The following ZNF653 variants were observed in gnomAD, a reference collection of about 807,000 sequenced individuals.
ZNF653 encodes 67 kDa zinc finger protein.
In ZNF653, 37 loss-of-function variants were observed where a neutral mutation model predicts 59.9. The ratio of observed to expected loss-of-function variants is 0.62; its 90% CI spans 0.48 to 0.81. The LOEUF is 0.81. Ranked by LOEUF, ZNF653 falls within the 40% of genes least tolerant of loss-of-function variation. The pLI, the probability that ZNF653 is intolerant of heterozygous loss-of-function variation, is 0.00. For missense variants in ZNF653, 808 were observed against 881.1 expected, an observed-to-expected ratio of 0.92 and a Z score of 1.05; for synonymous variants, 435 against 371.8, an observed-to-expected ratio of 1.17 and a Z score of -1.96.
intron 1 of ZNF653, 142 bp downstream of exon 1, chr19:11,505,346 C>G (rs976675239): frequency 3.6e-5 from 31 of 862,448 alleles, no homozygotes; most frequent in Middle Eastern, 3.7e-4. Context: ...CCAGGCAGTA[C>G]GAGACCCAGG....
intron 1 of ZNF653, among the ~76,000 whole-genome samples, chr19:11,503,808 GAACA>G (rs753439746): frequency 3.5e-4 from 53 of 151,484 alleles, no homozygotes; most frequent in Non-Finnish European, 7.4e-5. Flanking sequence ...CCTGTCTCAA[GAACA>G]AACAAACAGG....
Position 11,505,809 on chromosome 19 carries a change from C to T in ZNF653, c.-23G>A, listed in dbSNP as rs557745880. On this transcript the variant is annotated 5_prime_UTR_variant, in exon 1 of 9. Coordinates refer to ENST00000293771, the MANE Select transcript of ZNF653 (RefSeq NM_138783.4). Reference sequence around the variant, plus strand: ...CATCCCCCCCACCCTGGTTACCAGCCTCCCCCGTTGTTAGGAGCCAGACCG... The same window carrying T: ...CATCCCCCCCACCCTGGTTACCAGCTTCCCCCGTTGTTAGGAGCCAGACCG... 162 of 1,371,084 alleles carry T rather than the reference C, an allele frequency of 1.2e-4. 4 individuals are homozygous for T. In the South Asian group the frequency reaches 2.1e-3, roughly 18 times the overall value. The allele number at this position is 1,371,084 out of a possible 1,614,324, so 84.9% of individuals were successfully genotyped here.
intron 3 of ZNF653, among the ~76,000 whole-genome samples, chr19:11,489,372 G>A (rs1971507078): frequency 6.6e-6 from 1 of 152,130 alleles, no homozygotes; most frequent in Non-Finnish European, 1.5e-5. Context: ...GCTAATTTTT[G>A]TATTTTTAGT....
chr19:11,505,117 A>C, intron 1 of ZNF653: 22 of 200,010 alleles, frequency 1.1e-4, no homozygotes, highest in Admixed American at 1.9e-4. Context: ...CAGGTGGGGA[A>C]CTAAGCGGGG....
In ZNF653 at chr19:11,487,839, CTCAGAG is replaced by C. The variant is rs771266309; in HGVS notation, c.618_623del (p.Asp206_Ser207del). Reference sequence around the variant, plus strand: ...TGACCGGCTGGCCCTCAGGAGACTCCTCAGAGTCAGAGGCAGAGCCAGAGCTGGATG... The same window carrying C: ...TGACCGGCTGGCCCTCAGGAGACTCCTCAGAGGCAGAGCCAGAGCTGGATG... On this transcript the variant is annotated inframe_deletion, in exon 4 of 9. Coordinates refer to ENST00000293771, the MANE Select transcript of ZNF653 (RefSeq NM_138783.4). This position sits in a 1 kb window ranked among gnomAD's most constrained non-coding sequence, Gnocchi z 5.1. 4.3e-6 allele frequency: 7 copies of C among 1,611,126 alleles called. No individual in the cohort carries two copies. Among genetic ancestry groups the C allele is most frequent in the Non-Finnish European group, 5.9e-6 (7 of 1,178,812 alleles).
intron 1 of ZNF653, among the ~76,000 whole-genome samples, chr19:11,499,966 G>A (rs1971627219): frequency 6.6e-6 from 1 of 152,114 alleles, no homozygotes; most frequent in Non-Finnish European, 1.5e-5. Context: ...TCATGGTACA[G>A]CCCTGTCACT....
intron 3 of ZNF653, among the ~76,000 whole-genome samples, chr19:11,492,001 C>T (rs1021878062): frequency 1.3e-5 from 2 of 151,864 alleles, no homozygotes; most frequent in East Asian, 3.9e-4. Flanking sequence ...TTCCTTTTTC[C>T]CTCCTTTATT....
chr19:11,487,218 C>T lies in ZNF653; in HGVS notation c.1172-60G>A, dbSNP rs1441180785. 6.6e-5 allele frequency: 106 copies of T among 1,600,870 alleles called. No individual in the cohort carries two copies. The highest frequency in any genetic ancestry group is 8.2e-5 in the Non-Finnish European group (96 of 1,173,564). Reference sequence around the variant, plus strand: ...ACGAAGGCTGCCGAGGTGCCCACTTCGAGGGCCATTCCTCGCCCGGCCCCT... The same window carrying T: ...ACGAAGGCTGCCGAGGTGCCCACTTTGAGGGCCATTCCTCGCCCGGCCCCT... On this transcript the variant is annotated intron_variant, in intron 4 of 8. Coordinates refer to ENST00000293771, the MANE Select transcript of ZNF653 (RefSeq NM_138783.4). This position sits in a 1 kb window ranked among gnomAD's most constrained non-coding sequence, Gnocchi z 5.1.
intron 3 of ZNF653, among the ~76,000 whole-genome samples, chr19:11,490,762 C>A (rs1214490388): frequency 1.3e-5 from 2 of 152,158 alleles, no homozygotes; most frequent in East Asian, 3.9e-4. Context: ...GCCTACACCT[C>A]CATGTCGAGC....
chr19:11,490,055 G>A (rs1160717825), intron 3 of ZNF653, among the ~76,000 whole-genome samples: 2 of 152,202 alleles, frequency 1.3e-5, no homozygotes, highest in African/African-American at 2.4e-5. Flanking sequence ...CCACAAGACC[G>A]CCGGACTTCA....
At chr19:11,500,232 C>T (rs1971629598) in intron 1 of ZNF653, among the ~76,000 whole-genome samples, 1 of 152,190 alleles carries the variant, frequency 6.6e-6, no homozygotes, top group African/African-American at 2.4e-5. Flanking sequence ...CTGCCCCAGG[C>T]TCTGCCCCTG....
intron 3 of ZNF653, among the ~76,000 whole-genome samples, chr19:11,491,466 G>C (rs889794097): frequency 2.6e-5 from 4 of 152,198 alleles, no homozygotes; most frequent in African/African-American, 7.2e-5. Context: ...ACGAGAGCTG[G>C]AGTGCGTCTG....
At chr19:11,493,415 A>C (rs17447356) in intron 3 of ZNF653, among the ~76,000 whole-genome samples, 6,794 of 152,256 alleles carry the variant, frequency 0.045, 180 homozygotes, top group Admixed American at 0.072. Context: ...GTAGGAGATT[A>C]AAAGTATGTA....
chr19:11,483,959 C>T lies in ZNF653; in HGVS notation c.1670+83G>A, dbSNP rs1415351977. The T allele has an allele frequency of 1.1e-5, 17 of 1,523,344 alleles. No individual in the cohort carries two copies. In the Admixed American group the frequency reaches 2.2e-4, roughly 19 times the overall value. The allele number at this position is 1,523,344 out of a possible 1,614,324, so 94.4% of individuals were successfully genotyped here. A position where few individuals can be genotyped will look rare whatever the true frequency, so the allele number is the denominator to read the frequency against. The stretch of plus-strand genomic sequence containing the variant: ...CAGGTGGAACCGGGCCCAGACACTG[C>T]GTTGGGGCGAAGCCGCCCCTGGGAC... On this transcript the variant is annotated intron_variant, in intron 8 of 8. Transcript: ENST00000293771.
chr19:11,505,664 C>T lies in ZNF653; in HGVS notation c.123G>A (p.Glu41=). 6.7e-7 allele frequency: 1 copy of T among 1,494,770 alleles called. No homozygotes were observed. Among genetic ancestry groups the T allele is most frequent in the Non-Finnish European group, 8.9e-7 (1 of 1,129,818 alleles). 92.6% of individuals were successfully genotyped at this position (1,494,770 alleles called of 1,614,324 possible). A position where few individuals can be genotyped will look rare whatever the true frequency, so the allele number is the denominator to read the frequency against. The stretch of plus-strand genomic sequence containing the variant: ...CGAGCCGTCGCCGGGCCCGGTCCGA[C>T]TCCGTGAGTCGCGGCCGGCCCCGCG... ...RKARGRPRLT[E]SDRARRRLES... Residue 41 remains glutamate (E), a synonymous_variant, in exon 1 of 9, where the codon GAG becomes GAA. Coordinates refer to ENST00000293771, the MANE Select transcript of ZNF653 (RefSeq NM_138783.4).
In ZNF653 at chr19:11,485,724, G is replaced by A; in HGVS notation, c.1502C>T (p.Pro501Leu). Residue 501 changes from proline (P) to leucine (L), a missense_variant, in exon 7 of 9, where the codon CCT becomes CTT. Pro to Leu is a moderately conservative substitution (Grantham distance 98, BLOSUM62 -3). Transcript: ENST00000293771. The stretch of plus-strand genomic sequence containing the variant: ...GAACTTCTTGCCACAGCCAGGATGA[G>A]GGCACACTTTGGTCTTTCCTTTCCG... ...VHRKGKTKVC[P>L]HPGCGKKFYL... 1 of 1,614,046 alleles carries A rather than the reference G, an allele frequency of 6.2e-7. No homozygotes were observed. The highest frequency in any genetic ancestry group is 8.5e-7 in the Non-Finnish European group (1 of 1,179,982).
At position 11,495,792 on chromosome 19, in the gene ZNF653, G is replaced by A. The variant is rs2144945422; in HGVS notation, c.559+158C>T. ...GACGCAAAGAGGGCAAGGCCACGAA[G>A]GACTCAGCCTGGCCCATCGTGTCCC... On this transcript the variant is annotated intron_variant, in intron 3 of 8. Coordinates refer to ENST00000293771, the MANE Select transcript of ZNF653 (RefSeq NM_138783.4). The surrounding 1 kb of genome is among the most constrained non-coding windows in gnomAD (Gnocchi z 4.9). 1.4e-6 allele frequency: 1 copy of A among 727,064 alleles called. No homozygotes were observed. Among genetic ancestry groups the A allele is most frequent in the South Asian group, 1.8e-5 (1 of 54,666 alleles). The allele number at this position is 727,064 out of a possible 1,614,324, so 45.0% of individuals were successfully genotyped here. A position where few individuals can be genotyped will look rare whatever the true frequency, so the allele number is the denominator to read the frequency against.
chr19:11,494,382 A>ATAACATAACATAACATAAC (rs1971562106), intron 3 of ZNF653, among the ~76,000 whole-genome samples: 1 of 87,758 alleles, frequency 1.1e-5, no homozygotes, highest in South Asian at 4.2e-4. Context: ...CATAACATAA[A>ATAACATAACATAACATAAC]ACATAACATA....
chr19:11,486,272 T>C (rs1016674440), intron 6 of ZNF653, among the ~76,000 whole-genome samples: 1 of 152,220 alleles, frequency 6.6e-6, no homozygotes, highest in Non-Finnish European at 1.5e-5. Context: ...GGCAGCTTTA[T>C]TGAACACCTA....
Sources: gnomAD v4.1 joint callset for allele counts (sites outside exome capture counted in the v4.1 genomes callset) on GRCh38, gnomAD v4.1.1 for gene constraint, Gnocchi (gnomAD v3.1) non-coding constraint, MANE v1.5 for transcripts, NCBI Gene and HGNC (gene_info 2026-07-23, HGNC 2026-07-21) for gene names.